The following FNDC1 variants were observed in gnomAD, a reference collection of about 807,000 sequenced individuals.
The protein encoded by FNDC1 is fibronectin type III domain containing 1.
In FNDC1, 96 loss-of-function variants were observed where a neutral mutation model predicts 168.0. The observed-to-expected ratio is 0.57, with a 90% CI of 0.48 to 0.68. The LOEUF (loss-of-function observed/expected upper bound fraction) is 0.68. Ranked by LOEUF, FNDC1 falls within the 30% of genes least tolerant of loss-of-function variation. FNDC1 has a pLI of 0.00. For missense variants in FNDC1, 2,587 were observed against 2,482.1 expected (o/e 1.04, Z -0.90); for synonymous variants, 1,099 against 1,025.9 (o/e 1.07, Z -1.36).
chr6:159,257,546 G>A (rs898705027), intron 18 of FNDC1, among the ~76,000 whole-genome samples: 15 of 152,130 alleles, frequency 9.9e-5, no homozygotes, highest in African/African-American at 3.6e-4. Context: ...GTGCACCCAA[G>A]GCCTCTCATT....
chr6:159,250,391 C>A (rs1777228730), intron 16 of FNDC1, among the ~76,000 whole-genome samples: 1 of 152,224 alleles, frequency 6.6e-6, no homozygotes, highest in African/African-American at 2.4e-5. Context: ...AAACTGCATT[C>A]AGTCCAAATA....
rs182416382 is a variant in FNDC1, at chr6:159,218,988, T to C, written c.668-2610T>C. ...CAAATGTGGTGGCACTGACTGGGGG[T>C]TCCTGGGGTCACTGGGCTGATGATG... On this transcript the variant is annotated intron_variant, in intron 5 of 22. Coordinates refer to ENST00000297267, the MANE Select transcript of FNDC1 (RefSeq NM_032532.3). Among the ~76,000 whole-genome samples, 77 of 151,030 alleles carry C rather than the reference T, an allele frequency of 5.1e-4. No individual in the cohort carries two copies. The East Asian group carries it at 0.011, about 22-fold the overall frequency.
chr6:159,218,443 G>C (rs902046043), intron 5 of FNDC1: 1 of 152,316 alleles, frequency 6.6e-6, no homozygotes, highest in African/African-American at 2.4e-5. Context: ...CTGGAAGCTT[G>C]CCCCGTCGCG....
Position 159,249,025 on chromosome 6 carries a change from T to G in FNDC1, c.4691-14T>G. ...CTGGCAGTGCCCAATTACAGAGCCTTCATATCATTTCAGATTATGAATTTG... is the reference window on the plus strand; with the variant it reads ...CTGGCAGTGCCCAATTACAGAGCCTGCATATCATTTCAGATTATGAATTTG... On this transcript the variant is annotated splice_polypyrimidine_tract_variant and intron_variant, in intron 15 of 22. Transcript: ENST00000297267. 6.3e-7 allele frequency: 1 copy of G among 1,587,834 alleles called. No individual in the cohort carries two copies. The highest frequency in any genetic ancestry group is 8.6e-7 in the Non-Finnish European group (1 of 1,166,960).
At chr6:159,197,647 T>C (rs1782278503) in intron 2 of FNDC1, 22 bp downstream of exon 2, 1 of 1,589,136 alleles carries the variant, frequency 6.3e-7, no homozygotes, top group Non-Finnish European at 8.6e-7. Flanking sequence ...TCTGATCTTG[T>C]TCCCAGTCAG....
At position 159,236,234 on chromosome 6, in the gene FNDC1, T is replaced by G. The variant is rs758969538; in HGVS notation, c.3987T>G (p.Asn1329Lys). The change falls in exon 12 of 23, where the codon AAT (asparagine) becomes AAG (lysine). Residue 1329 changes from asparagine to lysine, a missense_variant. Asn to Lys is a moderately conservative substitution (Grantham distance 94). Coordinates refer to ENST00000297267, the MANE Select transcript of FNDC1 (RefSeq NM_032532.3). ...GTGTAGGTTATAATGGCAGACCAAA[T>G]GTAGAAGGGAAAGTCCTTCCTGGTA... ...SYRQGYNGRP[N>K]VEGKVLPGSN... 7 of 1,613,374 alleles carry G rather than the reference T, an allele frequency of 4.3e-6. No homozygotes were observed. The African/African-American group carries it at 8.0e-5, about 18-fold the overall frequency.
chr6:159,222,327 C>T (rs896141429), intron 6 of FNDC1, among the ~76,000 whole-genome samples: 12 of 152,164 alleles, frequency 7.9e-5, no homozygotes, highest in African/African-American at 2.9e-4. Flanking sequence ...GAAAGTTATA[C>T]TTTTTTACAT....
intron 22 of FNDC1, among the ~76,000 whole-genome samples, chr6:159,269,574 CCTAT>C (rs200968464): frequency 0.031 from 4,554 of 145,190 alleles, 144 homozygotes; most frequent in Non-Finnish European, 0.049. Context: ...ATCCATCTAT[CCTAT>C]CTGTCTGTCT....
At chr6:159,172,516 A>G (rs563830804) in intron 1 of FNDC1, among the ~76,000 whole-genome samples, 1 of 152,320 alleles carries the variant, frequency 6.6e-6, no homozygotes, top group Admixed American at 6.5e-5. Context: ...ATTTTTTTCT[A>G]GTGAGATCAA....
Position 159,197,638 on chromosome 6 carries a change from C to A in FNDC1, c.304+13C>A. The A allele has an allele frequency of 6.3e-7, 1 of 1,599,558 alleles. No individual in the cohort carries two copies. Among genetic ancestry groups the A allele is most frequent in the South Asian group, 1.1e-5 (1 of 88,674 alleles). On this transcript the variant is annotated intron_variant, in intron 2 of 22. Coordinates refer to ENST00000297267, the MANE Select transcript of FNDC1 (RefSeq NM_032532.3). ...ATTGAGGATGTGGGTAAGTGACACT[C>A]TGATCTTGTTCCCAGTCAGAATTAA...
chr6:159,205,648 T>C (rs532595324), intron 4 of FNDC1, among the ~76,000 whole-genome samples: 1 of 152,240 alleles, frequency 6.6e-6, no homozygotes, highest in Non-Finnish European at 1.5e-5. Context: ...TCTAAGAACT[T>C]TCTTAGGCTC....
chr6:159,244,473 G>A (rs1416047709), intron 14 of FNDC1, among the ~76,000 whole-genome samples: 1 of 152,208 alleles, frequency 6.6e-6, no homozygotes, highest in Non-Finnish European at 1.5e-5. Flanking sequence ...GGAGCTGGGG[G>A]CTTCTTACTG....
chr6:159,251,712 A>G (rs1003007324), intron 17 of FNDC1, among the ~76,000 whole-genome samples, 180 bp downstream of exon 17: 1 of 152,184 alleles, frequency 6.6e-6, no homozygotes, highest in African/African-American at 2.4e-5. Flanking sequence ...GCAACAATGG[A>G]AGCCTCATGG....
At chr6:159,264,921 T>C in intron 19 of FNDC1, 54 bp from the exon 20 acceptor site, 2 of 1,484,398 alleles carry the variant, frequency 1.3e-6, no homozygotes, top group Non-Finnish European at 9.2e-7. Context: ...ATTTAAAGAA[T>C]TGCATGATTG....
intron 21 of FNDC1, 125 bp downstream of exon 21, chr6:159,266,370 G>C: frequency 9.9e-7 from 1 of 1,014,026 alleles, no homozygotes; most frequent in African/African-American, 1.6e-5. Context: ...GGCTCACTCT[G>C]CCTCTAATAC....
intron 7 of FNDC1, among the ~76,000 whole-genome samples, chr6:159,224,014 T>A (rs1352022902): frequency 6.6e-6 from 1 of 152,146 alleles, no homozygotes; most frequent in Non-Finnish European, 1.5e-5. Flanking sequence ...TTGGGAGGAG[T>A]CTCACCATTC....
At chr6:159,261,087 C>A in intron 18 of FNDC1, 103 bp from the exon 19 acceptor site, 1 of 819,744 alleles carries the variant, frequency 1.2e-6, no homozygotes, top group Non-Finnish European at 2.0e-6. Context: ...AAGTAGAACT[C>A]AAAGCCTGTC....
chr6:159,227,499 C>A (rs373694741), intron 9 of FNDC1, among the ~76,000 whole-genome samples: 7 of 152,196 alleles, frequency 4.6e-5, no homozygotes, highest in African/African-American at 1.2e-4. Flanking sequence ...CTTTTATATT[C>A]ATCCAAAAGT....
chr6:159,214,775 A>G (rs1782674707), intron 4 of FNDC1, among the ~76,000 whole-genome samples, 170 bp from the exon 5 acceptor site: 1 of 152,198 alleles, frequency 6.6e-6, no homozygotes, highest in Non-Finnish European at 1.5e-5. Flanking sequence ...TGGTTAGAGT[A>G]TTGATACCCT....
Sources: allele counts gnomAD v4.1 joint callset (sites outside exome capture counted in the v4.1 genomes callset), GRCh38; gene constraint gnomAD v4.1.1; transcripts MANE v1.5; gene names NCBI Gene and HGNC (gene_info 2026-07-23, HGNC 2026-07-21).